Variants in IGF1R observed in about 807,000 individuals in gnomAD.
IGF1R encodes insulin like growth factor 1 receptor, also known as insulin-like growth factor 1 receptor.
In IGF1R, 44 loss-of-function variants were observed where a neutral mutation model predicts 144.6. The ratio of observed to expected loss-of-function variants is 0.30; its 90% CI spans 0.24 to 0.39. IGF1R has a LOEUF of 0.39. IGF1R is among the 10% of genes least tolerant of loss of function. The pLI is 1.00. For synonymous variants in IGF1R, 795 were observed against 722.8 expected (o/e 1.10, Z -1.60); for missense variants, 1,355 against 1,833.7 (o/e 0.74, Z 4.77).
intron 2 of IGF1R, among the ~76,000 whole-genome samples, chr15:98,764,381 G>A (rs2055382696): frequency 6.6e-6 from 1 of 152,084 alleles, no homozygotes; most frequent in African/African-American, 2.4e-5. Context: ...ACAAGAAAGA[G>A]GGGAACTTTT....
At chr15:98,837,639 T>C (rs2011111760) in intron 2 of IGF1R, among the ~76,000 whole-genome samples, 1 of 152,170 alleles carries the variant, frequency 6.6e-6, no homozygotes. Flanking sequence ...AGGTCCTGTT[T>C]CTCATCACAT....
At chr15:98,785,283 A>G (rs2055965331) in intron 2 of IGF1R, among the ~76,000 whole-genome samples, 1 of 152,208 alleles carries the variant, frequency 6.6e-6, no homozygotes, top group Non-Finnish European at 1.5e-5. Context: ...TGTACCAAGA[A>G]CTAATTGTAC....
At chr15:98,926,346 G>C (rs2015717796) in intron 13 of IGF1R, among the ~76,000 whole-genome samples, 1 of 152,058 alleles carries the variant, frequency 6.6e-6, no homozygotes, top group African/African-American at 2.4e-5. Flanking sequence ...TTAGTCAAAG[G>C]ATACAAAATT....
intron 2 of IGF1R, among the ~76,000 whole-genome samples, chr15:98,788,193 ACT>A (rs1158263743): frequency 6.6e-6 from 1 of 151,926 alleles, no homozygotes; most frequent in Non-Finnish European, 1.5e-5. Flanking sequence ...GAATGGGTAG[ACT>A]CTAATCTGAA....
intron 2 of IGF1R, among the ~76,000 whole-genome samples, chr15:98,772,254 AACT>A (rs1338047952): frequency 6.6e-6 from 1 of 152,062 alleles, no homozygotes; most frequent in African/African-American, 2.4e-5. Context: ...CTTTACTAAA[AACT>A]ACTAATTCAT....
At chr15:98,954,472 A>AT (rs1160212842) in intron 20 of IGF1R, 2 of 152,176 alleles carry the variant, frequency 1.3e-5, no homozygotes, top group African/African-American at 4.8e-5. Flanking sequence ...TCTAATGGAG[A>AT]TTTTTTGTGT....
intron 2 of IGF1R, among the ~76,000 whole-genome samples, chr15:98,882,262 C>T (rs1407312251): frequency 6.6e-6 from 1 of 152,216 alleles, no homozygotes. Context: ...CTCACTTCCC[C>T]TGCGTGTCAG....
intron 2 of IGF1R, among the ~76,000 whole-genome samples, chr15:98,717,048 C>G (rs1422053967): frequency 2.0e-5 from 3 of 152,028 alleles, no homozygotes; most frequent in African/African-American, 7.3e-5. Context: ...CTTGTTTTCC[C>G]CATGGCATAT....
intron 19 of IGF1R, among the ~76,000 whole-genome samples, chr15:98,946,263 C>T (rs996810304): frequency 1.3e-5 from 2 of 151,878 alleles, no homozygotes; most frequent in Non-Finnish European, 2.9e-5. Context: ...CAGTAGGGAG[C>T]ACCTGCTGCA....
At position 98,935,276 on chromosome 15, in the gene IGF1R, A is replaced by AC. The variant is rs34389972; in HGVS notation, c.3187-38dup. On this transcript the variant is annotated intron_variant, in intron 16 of 20. Transcript: ENST00000650285. The surrounding 1 kb of genome is among the most constrained non-coding windows in gnomAD (Gnocchi z 4.2). ...GACAACACAGGCATCAGCAAGGGCCACCTGACCCTCTGAGTCTTTCTCTTT... is the reference window on the plus strand; with the variant it reads ...GACAACACAGGCATCAGCAAGGGCCACCCTGACCCTCTGAGTCTTTCTCTTT... 1,362,258 of 1,365,288 alleles carry AC rather than the reference A, an allele frequency of 1. 679,679 individuals carry two copies. The highest frequency in any genetic ancestry group is 1 in the East Asian group (39,987 of 39,988). The allele number at this position is 1,365,288 out of a possible 1,614,324, so 84.6% of individuals were successfully genotyped here. A position where few individuals can be genotyped will look rare whatever the true frequency, so the allele number is the denominator to read the frequency against.
chr15:98,958,032 C>G lies in IGF1R; in HGVS notation c.*590C>G, dbSNP rs2017078489. 4.3e-6 allele frequency: 1 copy of G among 234,092 alleles called. No individual in the cohort carries two copies. Among genetic ancestry groups the G allele is most frequent in the Admixed American group, 5.6e-5 (1 of 17,866 alleles). The allele number at this position is 234,092 out of a possible 1,614,324, so 14.5% of individuals were successfully genotyped here. A position where few individuals can be genotyped will look rare whatever the true frequency, so the allele number is the denominator to read the frequency against. On this transcript the variant is annotated 3_prime_UTR_variant, in exon 21 of 21. Transcript: ENST00000650285. ...CCATTTTAACGCTGCCTAATTTTGC[C>G]AAAATCCTGAACTTTCTCCCTCATC...
intron 1 of IGF1R, among the ~76,000 whole-genome samples, chr15:98,662,704 G>A (rs909728879): frequency 2.0e-5 from 3 of 152,196 alleles, no homozygotes; most frequent in African/African-American, 7.2e-5. Flanking sequence ...AGGCAGTGGG[G>A]TCACGGAACT....
At chr15:98,698,289 G>A (rs1450301885) in intron 1 of IGF1R, among the ~76,000 whole-genome samples, 7 of 152,036 alleles carry the variant, frequency 4.6e-5, no homozygotes, top group Non-Finnish European at 1.0e-4. Flanking sequence ...CGCCTGCCTC[G>A]GCCTCCCAAA....
chr15:98,870,018 A>G lies in IGF1R; in HGVS notation c.641-21307A>G, dbSNP rs78988834. ...CCTGGGAACACAGTGAAAAAACAGG[A>G]TTCCTGCCCTAGTACAGTGTACACT... On this transcript the variant is annotated intron_variant, in intron 2 of 20. Transcript: ENST00000650285. 9.8e-3 allele frequency among the ~76,000 whole-genome samples: 1,487 copies of G among 152,334 alleles called. 18 individuals are homozygous for G. The highest frequency in any genetic ancestry group is 0.034 in the African/African-American group (1,401 of 41,568).
intron 2 of IGF1R, among the ~76,000 whole-genome samples, chr15:98,778,389 A>T (rs1025395281): frequency 1.3e-5 from 2 of 152,202 alleles, no homozygotes; most frequent in Non-Finnish European, 2.9e-5. Flanking sequence ...GGCTTGGGTT[A>T]TAGTCACTCA....
Position 98,959,172 on chromosome 15 carries a change from C to T in IGF1R, c.*1730C>T, listed in dbSNP as rs151043735. On this transcript the variant is annotated 3_prime_UTR_variant, in exon 21 of 21. Coordinates refer to ENST00000650285, the MANE Select transcript of IGF1R (RefSeq NM_000875.5). ...GAAGCCTCACCCTCTCTTTCCCTTGCCTTTGCTTAGGTTGTGACACACATA... is the reference window on the plus strand; with the variant it reads ...GAAGCCTCACCCTCTCTTTCCCTTGTCTTTGCTTAGGTTGTGACACACATA... 3 of 233,508 alleles carry T rather than the reference C, an allele frequency of 1.3e-5. No homozygotes were observed. Among genetic ancestry groups the T allele is most frequent in the East Asian group, 1.2e-4 (2 of 16,578 alleles). 14.5% of individuals were successfully genotyped at this position (233,508 alleles called of 1,614,324 possible).
At chr15:98,792,927 G>A (rs531286078) in intron 2 of IGF1R, among the ~76,000 whole-genome samples, 16 of 152,194 alleles carry the variant, frequency 1.1e-4, no homozygotes, top group Non-Finnish European at 2.1e-4. Flanking sequence ...CTGAAACTCT[G>A]TAAACGCGTG....
At chr15:98,754,138 A>AT (rs779031588) in intron 2 of IGF1R, among the ~76,000 whole-genome samples, 1 of 152,116 alleles carries the variant, frequency 6.6e-6, no homozygotes, top group Non-Finnish European at 1.5e-5. Flanking sequence ...ACAGAATGGG[A>AT]TCAGTATCAG....
At chr15:98,941,405 A>T (rs1466769942) in intron 18 of IGF1R, among the ~76,000 whole-genome samples, 1 of 152,136 alleles carries the variant, frequency 6.6e-6, no homozygotes, top group African/African-American at 2.4e-5. Flanking sequence ...ATCAGCAGGG[A>T]TCATGTTTGC....
Sources: allele counts gnomAD v4.1 joint callset (sites outside exome capture counted in the v4.1 genomes callset), GRCh38; gene constraint gnomAD v4.1.1; non-coding constraint Gnocchi (gnomAD v3.1); transcripts MANE v1.5; gene names NCBI Gene and HGNC (gene_info 2026-07-23, HGNC 2026-07-21).